CD300C: variants seen among roughly 807,000 people sequenced by gnomAD.
CD300C encodes CMRF35-like molecule 6.
CD300C carries 11 observed loss-of-function variants against 18.4 expected under a neutral mutation model. The observed-to-expected ratio is 0.60, with a 90% CI of 0.38 to 0.99. CD300C has a LOEUF of 0.99. CD300C is among the 50% of genes least tolerant of loss of function. The pLI is 0.01. For synonymous variants in CD300C, 116 were observed against 116.3 expected, an observed-to-expected ratio of 1.00 and a Z score of 0.02; for missense variants, 277 against 287.4, an observed-to-expected ratio of 0.96 and a Z score of 0.26.
downstream of CD300C, among the ~76,000 whole-genome samples, chr17:74,539,761 A>C (rs1286621045): frequency 6.6e-6 from 1 of 151,928 alleles, no homozygotes; most frequent in Non-Finnish European, 1.5e-5. Context: ...GTGTTCCTTG[A>C]CCTTCCTGGG....
downstream of CD300C, among the ~76,000 whole-genome samples, chr17:74,538,580 G>A (rs1353240918): frequency 6.6e-6 from 1 of 152,198 alleles, no homozygotes; most frequent in African/African-American, 2.4e-5. Flanking sequence ...TGAGATTCAG[G>A]GCTGTGGGCT....
chr17:74,545,392 G>A (rs113801095), intron 1 of CD300C, among the ~76,000 whole-genome samples: 3,728 of 152,012 alleles, frequency 0.025, 165 homozygotes, highest in African/African-American at 0.084. Flanking sequence ...GACTGTGTGA[G>A]TGTGACCGTG....
downstream of CD300C, among the ~76,000 whole-genome samples, chr17:74,538,951 C>T (rs1320008321): frequency 1.3e-5 from 2 of 152,172 alleles, no homozygotes; most frequent in South Asian, 2.1e-4. Context: ...TCCCAGGAGG[C>T]GGGAACCCAG....
At chr17:74,539,680 C>T (rs909227858), downstream of CD300C, among the ~76,000 whole-genome samples, 4 of 152,190 alleles carry the variant, frequency 2.6e-5, no homozygotes, top group Non-Finnish European at 5.9e-5. Context: ...GCCACCCTCC[C>T]GACTCGGGTC....
downstream of CD300C, among the ~76,000 whole-genome samples, chr17:74,537,206 C>CA (rs1474368642): frequency 6.6e-6 from 1 of 151,562 alleles, no homozygotes; most frequent in African/African-American, 2.4e-5. Flanking sequence ...AAGAAGAGCA[C>CA]AAAAAAGAGA....
chr17:74,545,838 G>T lies in CD300C; in HGVS notation c.-56C>A. The stretch of plus-strand genomic sequence containing the variant: ...GCAAGACCCCAGGAGGGGACAAAAT[G>T]TAATCTCCTCCCAGCAGATCTGAGC... On this transcript the variant is annotated 5_prime_UTR_variant, in exon 1 of 4. Transcript: ENST00000330793. 3 of 1,400,848 alleles carry T rather than the reference G, an allele frequency of 2.1e-6. No homozygotes were observed. Among genetic ancestry groups the T allele is most frequent in the Non-Finnish European group, 3.0e-6 (3 of 1,000,294 alleles). The allele number at this position is 1,400,848 out of a possible 1,614,324, so 86.8% of individuals were successfully genotyped here. A position where few individuals can be genotyped will look rare whatever the true frequency, so the allele number is the denominator to read the frequency against.
chr17:74,542,936 G>C lies in CD300C; in HGVS notation c.452C>G (p.Pro151Arg). ...GGTGTGCACGGGCAGCTTCGTGGGA[G>C]GACCTGAGGTGCCCATGGAGCTCTG... ...SPQSSMGTSG[P>R]PTKLPVHTWP... Residue 151 changes from proline to arginine, a missense_variant, in exon 3 of 4, where the codon CCT becomes CGT. Pro to Arg is a moderately radical substitution (Grantham distance 103). Transcript: ENST00000330793. 1 of 1,613,286 alleles carries C rather than the reference G, an allele frequency of 6.2e-7. No individual in the cohort carries two copies. Among genetic ancestry groups the C allele is most frequent in the Non-Finnish European group, 8.5e-7 (1 of 1,179,996 alleles).
At chr17:74,541,834 C>A in intron 3 of CD300C, 98 bp from the exon 4 acceptor site, 1 of 1,329,842 alleles carries the variant, frequency 7.5e-7, no homozygotes, top group Non-Finnish European at 1.0e-6. Flanking sequence ...CCTGTGACCA[C>A]AGCCAACCAC....
the CD300C span, among the ~76,000 whole-genome samples, chr17:74,534,989 C>T: frequency 2.0e-5 from 3 of 152,046 alleles, no homozygotes; most frequent in Admixed American, 2.0e-4. Context: ...GAAAGAGAAA[C>T]AAAAGACATG....
downstream of CD300C, among the ~76,000 whole-genome samples, chr17:74,538,141 G>C (rs749123601): frequency 6.6e-6 from 1 of 152,154 alleles, no homozygotes; most frequent in Non-Finnish European, 1.5e-5. Context: ...CAAGAAAAAA[G>C]CCTCCAAATC....
chr17:74,541,888 C>G (rs1203089212), intron 3 of CD300C, 152 bp from the exon 4 acceptor site: 2 of 774,690 alleles, frequency 2.6e-6, no homozygotes, highest in Admixed American at 2.7e-5. Flanking sequence ...AGCATCACGG[C>G]CCCTAACCCT....
chr17:74,543,800 A>C (rs1336028558), intron 2 of CD300C, among the ~76,000 whole-genome samples: 1 of 152,174 alleles, frequency 6.6e-6, no homozygotes, highest in African/African-American at 2.4e-5. Flanking sequence ...GGGGCCTTTG[A>C]GGGAAGAATG....
chr17:74,538,236 C>T (rs1908438429), downstream of CD300C, among the ~76,000 whole-genome samples: 1 of 152,162 alleles, frequency 6.6e-6, no homozygotes, highest in African/African-American at 2.4e-5. Context: ...TATTGATGGG[C>T]ATCAGAGTTA....
downstream of CD300C, among the ~76,000 whole-genome samples, chr17:74,538,781 C>T (rs1908454029): frequency 6.6e-6 from 1 of 152,218 alleles, no homozygotes; most frequent in South Asian, 2.1e-4. Flanking sequence ...AAGGCAGGAG[C>T]CCTGTCTAGT....
rs768981530 is a variant in CD300C at position 74,542,923 on chromosome 17, C to A, written c.465G>T (p.Leu155=). Residue 155 remains leucine, a synonymous_variant, in exon 3 of 4, where the codon CTG becomes CTT. Coordinates refer to ENST00000330793, the MANE Select transcript of CD300C (RefSeq NM_006678.5). ...SMGTSGPPTK[L]PVHTWPSVTR... Reference sequence around the variant, plus strand: ...TCACGCTGGGCCAGGTGTGCACGGGCAGCTTCGTGGGAGGACCTGAGGTGC... The same window carrying A: ...TCACGCTGGGCCAGGTGTGCACGGGAAGCTTCGTGGGAGGACCTGAGGTGC... 24 of 1,612,776 alleles carry A rather than the reference C, an allele frequency of 1.5e-5. No individual in the cohort carries two copies. In the East Asian group the frequency reaches 5.1e-4, roughly 34 times the overall value.
intron 3 of CD300C, among the ~76,000 whole-genome samples, chr17:74,542,107 T>A (rs1908572834): frequency 6.6e-6 from 1 of 152,190 alleles, no homozygotes; most frequent in African/African-American, 2.4e-5. Flanking sequence ...TACACAGCGT[T>A]TCCAGGAGGG....
chr17:74,543,489 C>T (rs1908633041), intron 2 of CD300C, among the ~76,000 whole-genome samples: 1 of 152,220 alleles, frequency 6.6e-6, no homozygotes, highest in Non-Finnish European at 1.5e-5. Context: ...ACCATCCTCT[C>T]AGCAGGAGGG....
chr17:74,543,325 A>G (rs976997338), intron 2 of CD300C, among the ~76,000 whole-genome samples: 1 of 152,234 alleles, frequency 6.6e-6, no homozygotes, highest in Admixed American at 6.5e-5. Flanking sequence ...AGGGTGACCC[A>G]GAGTGACTGC....
In CD300C at chr17:74,541,357, G is replaced by A; in HGVS notation, c.*232C>T. 7 of 481,806 alleles carry A rather than the reference G, an allele frequency of 1.5e-5. No homozygotes were observed. Among genetic ancestry groups the A allele is most frequent in the Non-Finnish European group, 1.9e-5 (5 of 261,980 alleles). 29.8% of individuals were successfully genotyped at this position (481,806 alleles called of 1,614,324 possible). Reference sequence around the variant, plus strand: ...TCAGAGGTATTGCTGACGGCCCGAGGCTTAGCTGGCCGGGGCGTGCACATG... The same window carrying A: ...TCAGAGGTATTGCTGACGGCCCGAGACTTAGCTGGCCGGGGCGTGCACATG... On this transcript the variant is annotated 3_prime_UTR_variant, in exon 4 of 4. Coordinates refer to ENST00000330793, the MANE Select transcript of CD300C (RefSeq NM_006678.5).
Sources: gnomAD v4.1 joint callset for allele counts (sites outside exome capture counted in the v4.1 genomes callset) on GRCh38, gnomAD v4.1.1 for gene constraint, MANE v1.5 for transcripts, NCBI Gene and HGNC (gene_info 2026-07-23, HGNC 2026-07-21) for gene names.